Variants in DNAH14 observed in about 807,000 individuals in gnomAD.
The protein encoded by DNAH14 is dynein axonemal heavy chain 14.
In DNAH14, 478 loss-of-function variants were observed where a neutral mutation model predicts 520.9. The observed-to-expected ratio is 0.92, with a 90% confidence interval of 0.85 to 0.99. The LOEUF (loss-of-function observed/expected upper bound fraction) is 0.99, where lower values mean the gene tolerates loss of function less well. DNAH14 is among the 50% of genes least tolerant of loss of function. The pLI is 0.00. For missense variants in DNAH14, 4,831 were observed against 5,234.5 expected (o/e 0.92, Z 2.38); for synonymous variants, 1,581 against 1,757.2 (o/e 0.90, Z 2.51).
intron 51 of DNAH14, 38 bp downstream of exon 51, chr1:225,272,111 A>T: frequency 6.6e-7 from 1 of 1,514,866 alleles, no homozygotes; most frequent in Non-Finnish European, 8.9e-7. Context: ...TATTTTTTAA[A>T]TATAAGTTGC....
chr1:224,952,226 T>G (rs1246991296), intron 1 of DNAH14, among the ~76,000 whole-genome samples: 1 of 152,208 alleles, frequency 6.6e-6, no homozygotes, highest in Non-Finnish European at 1.5e-5. Context: ...CTATTCTGTC[T>G]GAAGAACGCT....
At chr1:225,327,466 ACT>A (rs1216695435) in intron 64 of DNAH14, among the ~76,000 whole-genome samples, 1 of 152,086 alleles carries the variant, frequency 6.6e-6, no homozygotes, top group African/African-American at 2.4e-5. Context: ...TGGCCGACTA[ACT>A]CATTCTTAAA....
At chr1:224,938,183 A>G (rs1274915750) in intron 1 of DNAH14, among the ~76,000 whole-genome samples, 1 of 152,206 alleles carries the variant, frequency 6.6e-6, no homozygotes, top group Non-Finnish European at 1.5e-5. Context: ...AACCAAAGCA[A>G]AAAGAGATTA....
At chr1:225,138,837 CT>C (rs893965284) in intron 27 of DNAH14, among the ~76,000 whole-genome samples, 1 of 152,094 alleles carries the variant, frequency 6.6e-6, no homozygotes, top group African/African-American at 2.4e-5. Context: ...ATCCGAGCTG[CT>C]TGCCTATTCA....
At chr1:225,179,689 C>A (rs1053807039) in intron 36 of DNAH14, among the ~76,000 whole-genome samples, 1 of 152,084 alleles carries the variant, frequency 6.6e-6, no homozygotes, top group Non-Finnish European at 1.5e-5. Context: ...TTTGGTATAC[C>A]TGCTTTTATC....
chr1:225,123,971 T>C (rs2077488605), intron 27 of DNAH14, among the ~76,000 whole-genome samples: 1 of 152,126 alleles, frequency 6.6e-6, no homozygotes, highest in Non-Finnish European at 1.5e-5. Flanking sequence ...CAGGCTGGTC[T>C]TGAACTCCTG....
intron 1 of DNAH14, among the ~76,000 whole-genome samples, chr1:224,940,358 AC>A (rs1157088905): frequency 1.3e-5 from 2 of 151,926 alleles, no homozygotes; most frequent in African/African-American, 4.8e-5. Flanking sequence ...GGAGAAATAG[AC>A]CCCACTTTTT....
chr1:225,394,799 G>A (rs375097181), intron 84 of DNAH14, among the ~76,000 whole-genome samples: 4 of 151,020 alleles, frequency 2.6e-5, no homozygotes, highest in Non-Finnish European at 4.4e-5. Context: ...AGCAGAGATC[G>A]TGCTACTGCA....
intron 55 of DNAH14, among the ~76,000 whole-genome samples, chr1:225,294,760 G>A (rs188631811): frequency 4.3e-4 from 66 of 151,848 alleles, no homozygotes; most frequent in Admixed American, 1.4e-3. Context: ...GGAGACAGAG[G>A]TTGCCATGAG....
intron 43 of DNAH14, among the ~76,000 whole-genome samples, chr1:225,248,824 A>G (rs1196437404): frequency 6.6e-6 from 1 of 152,216 alleles, no homozygotes. Context: ...TTTGAAGGAT[A>G]GTTGAATACA....
At chr1:225,388,342 G>GA (rs745631044) in intron 81 of DNAH14, 37 bp from the exon 82 acceptor site, 44 of 1,345,406 alleles carry the variant, frequency 3.3e-5, no homozygotes, top group South Asian at 8.1e-5. Context: ...CAAAGACAAA[G>GA]AAAAAAAATG....
intron 8 of DNAH14, among the ~76,000 whole-genome samples, chr1:224,991,453 A>G (rs2489335): frequency 0.092 from 13,966 of 151,282 alleles, 2,077 homozygotes; most frequent in African/African-American, 0.32. Flanking sequence ...ATGTCTATTC[A>G]GGCCTTTGGC....
chr1:225,051,636 A>C lies in DNAH14; in HGVS notation c.2265A>C (p.Arg755Ser). 6.4e-7 allele frequency: 1 copy of C among 1,551,092 alleles called. No individual in the cohort carries two copies. The highest frequency in any genetic ancestry group is 8.7e-7 in the Non-Finnish European group (1 of 1,146,584). Residue 755 changes from arginine (R) to serine (S), a missense_variant, in exon 17 of 86, where the codon AGA becomes AGC. Transcript: ENST00000682510. ...TAAATAGATTCAGAAACTATTTTAGACATATTGTGAATATGGCCATTGAGA... is the reference window on the plus strand; with the variant it reads ...TAAATAGATTCAGAAACTATTTTAGCCATATTGTGAATATGGCCATTGAGA... ...AILNRFRNYF[R>S]HIVNMAIEKR...
intron 41 of DNAH14, among the ~76,000 whole-genome samples, chr1:225,222,351 TTC>T: frequency 6.6e-6 from 1 of 152,124 alleles, no homozygotes; most frequent in Non-Finnish European, 1.5e-5. Flanking sequence ...AGTTGGTTTC[TTC>T]CAGTGGGTTC....
chr1:225,102,543 C>T lies in DNAH14; in HGVS notation c.3867+1659C>T, dbSNP rs78326192. On this transcript the variant is annotated intron_variant, in intron 23 of 85. Transcript: ENST00000682510. The stretch of plus-strand genomic sequence containing the variant: ...GTGTTCCTATTTCTCCACATCCTCT[C>T]CAGCACCTGTTGCTTCCTGACTTTT... Among the ~76,000 whole-genome samples, 1,042 of 152,320 alleles carry T rather than the reference C, an allele frequency of 6.8e-3. 6 individuals carry two copies. Among genetic ancestry groups the T allele is most frequent in the Middle Eastern group, 0.02 (6 of 294 alleles).
chr1:225,049,096 A>G (rs1252257213), intron 15 of DNAH14, among the ~76,000 whole-genome samples: 3 of 102,328 alleles, frequency 2.9e-5, no homozygotes, highest in African/African-American at 1.2e-4. Context: ...GTCTTGCTCT[A>G]TCACCCAGGC....
chr1:225,036,981 T>TC (rs1468858833), intron 11 of DNAH14, among the ~76,000 whole-genome samples: 1 of 152,224 alleles, frequency 6.6e-6, no homozygotes, highest in Non-Finnish European at 1.5e-5. Context: ...ATAATGACCC[T>TC]CTTTGTCTCT....
chr1:224,988,659 A>G (rs979615770), intron 8 of DNAH14, among the ~76,000 whole-genome samples: 4 of 152,122 alleles, frequency 2.6e-5, no homozygotes, highest in Admixed American at 2.6e-4. Context: ...TTACAAATAT[A>G]TTTTTTAAGA....
chr1:225,215,595 T>G (rs1017221931), intron 41 of DNAH14, among the ~76,000 whole-genome samples: 1 of 152,222 alleles, frequency 6.6e-6, no homozygotes, highest in Admixed American at 6.5e-5. Context: ...TGGGTGCATA[T>G]ATATTTAGGA....
Sources: allele counts gnomAD v4.1 joint callset (sites outside exome capture counted in the v4.1 genomes callset), GRCh38; gene constraint gnomAD v4.1.1; transcripts MANE v1.5; gene names NCBI Gene and HGNC (gene_info 2026-07-23, HGNC 2026-07-21).